The following TICRR variants were observed in gnomAD, a reference collection of about 807,000 sequenced individuals.
TICRR encodes the protein TOPBP1 interacting checkpoint and replication regulator, also known as treslin.
In TICRR, 132 loss-of-function variants were observed where a neutral mutation model predicts 178.1. The ratio of observed to expected loss-of-function variants is 0.74; its 90% CI spans 0.64 to 0.86. The LOEUF (loss-of-function observed/expected upper bound fraction) is 0.86. Among genes scored for constraint, TICRR ranks in the 40% least tolerant of loss-of-function variants. TICRR has a pLI of 0.00. For missense variants in TICRR, 2,587 were observed against 2,334.3 expected (o/e 1.11, Z -2.23); for synonymous variants, 991 against 900.7 (o/e 1.10, Z -1.79).
rs1963498372 is a variant in TICRR at position 89,625,227 on chromosome 15, G to A, written c.4917G>A (p.Gly1639=). The change falls in exon 20 of 22, where the codon GGG becomes GGA. Residue 1639 remains glycine (G), a synonymous_variant. Coordinates refer to ENST00000268138, the MANE Select transcript of TICRR (RefSeq NM_152259.4). ...LSHSTPGKSR[G]QTYICQACTP... The stretch of plus-strand genomic sequence containing the variant: ...ACAGCACACCTGGCAAGAGCAGGGG[G>A]CAAACCTACATCTGCCAGGCCTGTA... 3 of 1,613,508 alleles carry A rather than the reference G, an allele frequency of 1.9e-6. No homozygotes were observed. Among genetic ancestry groups the A allele is most frequent in the South Asian group, 1.1e-5 (1 of 91,048 alleles).
chr15:89,615,707 C>T (rs1963324598), intron 15 of TICRR, among the ~76,000 whole-genome samples: 1 of 152,112 alleles, frequency 6.6e-6, no homozygotes, highest in Admixed American at 6.5e-5. Flanking sequence ...GCCTACTCTA[C>T]TAAGAAATTT....
chr15:89,591,987 AT>A (rs1215600649), intron 4 of TICRR, 59 bp from the exon 5 acceptor site: 1 of 1,533,544 alleles, frequency 6.5e-7, no homozygotes, highest in Admixed American at 1.8e-5. Context: ...AGTGCTTAGA[AT>A]TCTCTGCTTT....
chr15:89,591,978 GT>G, intron 4 of TICRR, 68 bp from the exon 5 acceptor site: 1 of 1,480,648 alleles, frequency 6.8e-7, no homozygotes, highest in Non-Finnish European at 9.2e-7. Flanking sequence ...GGAGGAGCAA[GT>G]GCTTAGAATT....
In TICRR at chr15:89,607,369, C is replaced by T. The variant is rs549992460; in HGVS notation, c.2722+544C>T. Among the ~76,000 whole-genome samples, 4 of 152,210 alleles carry T rather than the reference C, an allele frequency of 2.6e-5. No individual in the cohort carries two copies. The East Asian group carries it at 7.7e-4, about 29-fold the overall frequency. ...GAAGTGAACAGTTGTTTGCAATTTACTCTCCAGTGTTTAGGGGAATAACGT... is the reference window on the plus strand; with the variant it reads ...GAAGTGAACAGTTGTTTGCAATTTATTCTCCAGTGTTTAGGGGAATAACGT... On this transcript the variant is annotated intron_variant, in intron 14 of 21. Transcript: ENST00000268138.
At chr15:89,625,856 T>C in intron 20 of TICRR, 70 bp downstream of exon 20, 3 of 1,545,526 alleles carry the variant, frequency 1.9e-6, no homozygotes, top group South Asian at 2.6e-5. Flanking sequence ...AGGAGGCACT[T>C]GGGAGTTGCT....
At position 89,625,139 on chromosome 15, in the gene TICRR, C is replaced by T. The variant is rs1963495991; in HGVS notation, c.4829C>T (p.Ala1610Val). The change falls in exon 20 of 22, where the codon GCC becomes GTC. Residue 1610 changes from alanine (A) to valine (V), a missense_variant. Ala to Val is a moderately conservative substitution (Grantham distance 64). Coordinates refer to ENST00000268138, the MANE Select transcript of TICRR (RefSeq NM_152259.4). ...SFLPALSMPR[A>V]SRSLSKPEPT... is the part of the protein sequence containing the mutation. ...CTCCCTGCTCTCAGCATGCCCAGGG[C>T]CAGCAGGTCCTTAAGCAAACCTGAA... is the stretch of plus-strand genomic sequence containing the variant. 1 of 1,613,786 alleles carries T rather than the reference C, an allele frequency of 6.2e-7. No individual in the cohort carries two copies. Among genetic ancestry groups the T allele is most frequent in the South Asian group, 1.1e-5 (1 of 91,084 alleles).
At chr15:89,592,819 C>T (rs902051525) in intron 5 of TICRR, among the ~76,000 whole-genome samples, 6 of 152,200 alleles carry the variant, frequency 3.9e-5, no homozygotes, top group African/African-American at 1.4e-4. Flanking sequence ...CGTTTATTTT[C>T]TCCACACATA....
chr15:89,598,758 C>T (rs1447554855), intron 7 of TICRR, among the ~76,000 whole-genome samples: 2 of 152,112 alleles, frequency 1.3e-5, no homozygotes, highest in African/African-American at 4.8e-5. Context: ...GTAATCCTAG[C>T]ACTTTGGGAG....
chr15:89,618,337 T>C (rs1035671728), intron 17 of TICRR, 127 bp downstream of exon 17: 11 of 807,442 alleles, frequency 1.4e-5, no homozygotes, highest in Middle Eastern at 2.3e-4. Flanking sequence ...GAGTCCACAA[T>C]GCAGCTCAGT....
intron 18 of TICRR, among the ~76,000 whole-genome samples, chr15:89,620,409 TG>T (rs1319732578): frequency 1.3e-5 from 2 of 152,116 alleles, no homozygotes; most frequent in African/African-American, 4.8e-5. Context: ...GGTTTCACCA[TG>T]TTGCCCAGGC....
In TICRR at chr15:89,595,677, A is replaced by G. The variant is rs1021956780; in HGVS notation, c.1900+66A>G. 33 of 1,214,258 alleles carry G rather than the reference A, an allele frequency of 2.7e-5. No individual in the cohort carries two copies. In the African/African-American group the frequency reaches 4.9e-4, roughly 18 times the overall value. The allele number at this position is 1,214,258 out of a possible 1,614,324, so 75.2% of individuals were successfully genotyped here. A position where few individuals can be genotyped will look rare whatever the true frequency, so the allele number is the denominator to read the frequency against. On this transcript the variant is annotated intron_variant, in intron 7 of 21. Transcript: ENST00000268138. ...TTTTTTAAAAATAAAATTTAATCGT[A>G]CCCTTAGTTTATTGACTATCTGCTA...
At chr15:89,607,779 G>A (rs1963195850) in intron 14 of TICRR, among the ~76,000 whole-genome samples, 1 of 152,068 alleles carries the variant, frequency 6.6e-6, no homozygotes. Context: ...ATTCACCCTT[G>A]GTGAATTTTT....
In TICRR at chr15:89,625,241, GC is replaced by G. The variant is rs758038174; in HGVS notation, c.4933del (p.Gln1645ArgfsTer37). On this transcript the variant is annotated frameshift_variant, in exon 20 of 22. Transcript: ENST00000268138. LOFTEE classifies it high-confidence loss of function. ...AAGAGCAGGGGGCAAACCTACATCT[GC>G]CAGGCCTGTACCCCCACCCACGGCC... ...PGKSRGQTYI[C>X]QACTPTHGPS... 1 of 1,613,648 alleles carries G rather than the reference GC, an allele frequency of 6.2e-7. No individual in the cohort carries two copies. Among genetic ancestry groups the G allele is most frequent in the Non-Finnish European group, 8.5e-7 (1 of 1,179,786 alleles).
In TICRR at chr15:89,583,095, T is replaced by C. The variant is rs565194364; in HGVS notation, c.934+130T>C. 1.2e-5 allele frequency: 13 copies of C among 1,068,508 alleles called. No homozygotes were observed. The East Asian group carries it at 3.4e-4, about 28-fold the overall frequency. 66.2% of individuals were successfully genotyped at this position (1,068,508 alleles called of 1,614,324 possible). ...TCAACGAATGCTTGTCATGAAAGAATTAAAAGACATCAAGGCAAAATCAGA... is the reference window on the plus strand; with the variant it reads ...TCAACGAATGCTTGTCATGAAAGAACTAAAAGACATCAAGGCAAAATCAGA... On this transcript the variant is annotated intron_variant, in intron 2 of 21. Coordinates refer to ENST00000268138, the MANE Select transcript of TICRR (RefSeq NM_152259.4).
At chr15:89,590,906 G>A (rs867228545) in intron 4 of TICRR, among the ~76,000 whole-genome samples, 3 of 152,116 alleles carry the variant, frequency 2.0e-5, no homozygotes, top group African/African-American at 4.8e-5. Flanking sequence ...TTTGTCTGGG[G>A]TCTTAGATGG....
At chr15:89,599,251 C>T (rs542987535) in intron 7 of TICRR, 73 bp from the exon 8 acceptor site, 6 of 1,238,020 alleles carry the variant, frequency 4.8e-6, no homozygotes, top group Non-Finnish European at 6.5e-6. Context: ...CCCCAGTGGA[C>T]AACAACTGGC....
rs751333018 is a variant in TICRR at position 89,576,133 on chromosome 15, C to G, written c.547C>G (p.Pro183Ala). 6.2e-7 allele frequency: 1 copy of G among 1,609,274 alleles called. No individual in the cohort carries two copies. Among genetic ancestry groups the G allele is most frequent in the Non-Finnish European group, 8.5e-7 (1 of 1,180,000 alleles). Reference protein sequence around the residue: ...GCEAQAQRLPPTPKQVMEKLL... With the variant: ...GCEAQAQRLPATPKQVMEKLL... ...CGAGGCCCAGGCCCAGCGCCTGCCG[C>G]CCACCCCTAAGCAGGTGATGGAGAA... The change falls in exon 1 of 22, where the codon CCC becomes GCC. Residue 183 changes from proline to alanine, a missense_variant. By Grantham distance (27) the Pro-to-Ala change is conservative. Coordinates refer to ENST00000268138, the MANE Select transcript of TICRR (RefSeq NM_152259.4).
In TICRR at chr15:89,627,316, T is replaced by C. The variant is rs1256408088; in HGVS notation, c.*230T>C. 1.9e-6 allele frequency: 1 copy of C among 515,466 alleles called. No individual in the cohort carries two copies. The highest frequency in any genetic ancestry group is 3.4e-6 in the Non-Finnish European group (1 of 295,768). The allele number at this position is 515,466 out of a possible 1,614,324, so 31.9% of individuals were successfully genotyped here. A position where few individuals can be genotyped will look rare whatever the true frequency, so the allele number is the denominator to read the frequency against. ...GTGGATGGCAATGTGATTGGTGCTA[T>C]AACTCAGGCAGCCTGGGAGTCAGGA... On this transcript the variant is annotated 3_prime_UTR_variant, in exon 22 of 22. Transcript: ENST00000268138.
At chr15:89,598,437 A>G (rs903061018) in intron 7 of TICRR, among the ~76,000 whole-genome samples, 19 of 152,014 alleles carry the variant, frequency 1.2e-4, no homozygotes, top group Non-Finnish European at 2.5e-4. Flanking sequence ...GTCTTGGCTC[A>G]CTGCAACCTC....
Sources: allele counts gnomAD v4.1 joint callset (sites outside exome capture counted in the v4.1 genomes callset), GRCh38; gene constraint gnomAD v4.1.1; transcripts MANE v1.5; gene names NCBI Gene and HGNC (gene_info 2026-07-23, HGNC 2026-07-21).